Variants in BAIAP3 observed in about 807,000 individuals in gnomAD.
BAIAP3 encodes BAI1-associated protein 3.
In BAIAP3, 180 loss-of-function variants were observed where a neutral mutation model predicts 149.7. That is an observed-to-expected ratio of 1.20 (90% CI 1.07 to 1.36). The LOEUF is 1.36. BAIAP3 is among the 40% of genes most tolerant of loss of function. BAIAP3 has a pLI of 0.00. For missense variants in BAIAP3, 1,767 were observed against 1,563.4 expected, an observed-to-expected ratio of 1.13 and a Z score of -2.20; for synonymous variants, 845 against 670.7, an observed-to-expected ratio of 1.26 and a Z score of -4.02.
intron 5 of BAIAP3, 51 bp from the exon 6 acceptor site, chr16:1,340,871 G>T: frequency 6.5e-7 from 1 of 1,541,128 alleles, no homozygotes; most frequent in Non-Finnish European, 8.8e-7. Flanking sequence ...ACAGTGGCCA[G>T]CCTCGCTTCA....
At chr16:1,339,668 A>C (rs1302428818) in intron 5 of BAIAP3, 65 bp downstream of exon 5, 1 of 1,249,702 alleles carries the variant, frequency 8.0e-7, no homozygotes, top group Non-Finnish European at 1.1e-6. Flanking sequence ...TTCCCCACCC[A>C]CTGACACCAT....
At chr16:1,339,665 C>T (rs573543196) in intron 5 of BAIAP3, 62 bp downstream of exon 5, 2 of 1,263,672 alleles carry the variant, frequency 1.6e-6, no homozygotes, top group East Asian at 2.4e-5. Flanking sequence ...CCCTTCCCCA[C>T]CCACTGACAC....
At chr16:1,341,572 G>A (rs1392794621) in intron 8 of BAIAP3, 83 bp downstream of exon 8, 15 of 1,487,754 alleles carry the variant, frequency 1.0e-5, no homozygotes, top group Middle Eastern at 2.4e-4. Flanking sequence ...GTGGTGGCTC[G>A]CAGCAGCTCC....
rs2034028566 is a variant in BAIAP3 at position 1,342,966 on chromosome 16, C to G, written c.1215C>G (p.Leu405=). ...GELSTPAATI[L]CLHGAQSNLS... ...TCAGCACACCAGCCGCCACCATCCT[C>G]TGCCTGCACGGAGCCCAGAGCAACC... The change falls in exon 14 of 34, where the codon CTC becomes CTG. Residue 405 remains leucine, a synonymous_variant. Coordinates refer to ENST00000426824, the MANE Select transcript of BAIAP3 (RefSeq NM_001199097.2). 2 of 1,611,378 alleles carry G rather than the reference C, an allele frequency of 1.2e-6. No homozygotes were observed. The highest frequency in any genetic ancestry group is 1.3e-5 in the African/African-American group (1 of 74,806).
intron 1 of BAIAP3, chr16:1,334,906 C>A: frequency 1.4e-6 from 1 of 735,680 alleles, no homozygotes; most frequent in Non-Finnish European, 2.3e-6. Context: ...CTGCCACCTC[C>A]CGCCCCAGGC....
chr16:1,345,689 C>A, intron 22 of BAIAP3, 58 bp from the exon 23 acceptor site: 1 of 920,738 alleles, frequency 1.1e-6, no homozygotes, highest in Non-Finnish European at 1.6e-6. Context: ...CCCCGCCTCC[C>A]CCACCTCCCC....
At chr16:1,341,917 G>C in intron 9 of BAIAP3, 51 bp downstream of exon 9, 1 of 1,598,522 alleles carries the variant, frequency 6.3e-7, no homozygotes, top group Non-Finnish European at 8.5e-7. Flanking sequence ...CCTTTTGCGG[G>C]GGAGCAGGAC....
Position 1,349,254 on chromosome 16 carries a change from C to T in BAIAP3, c.*772C>T. 1.4e-6 allele frequency: 1 copy of T among 706,500 alleles called. No homozygotes were observed. The highest frequency in any genetic ancestry group is 2.5e-6 in the Non-Finnish European group (1 of 404,292). The allele number at this position is 706,500 out of a possible 1,614,324, so 43.8% of individuals were successfully genotyped here. The stretch of plus-strand genomic sequence containing the variant: ...TCACAAGGGGCTTCTTGGCCTGCAG[C>T]TTCATTTGCGAGAGCGCCGAGGCAG... On this transcript the variant is annotated 3_prime_UTR_variant, in exon 34 of 34. Coordinates refer to ENST00000426824, the MANE Select transcript of BAIAP3 (RefSeq NM_001199097.2).
In BAIAP3 at chr16:1,339,250, G is replaced by T. The variant is rs2033686952; in HGVS notation, c.300+6G>T. ...GAGCCCTGGCCCCAGAGGAGGTAAA[G>T]GTGGGGGTCGGAACCAGGGGCAGTC... On this transcript the variant is annotated splice_donor_region_variant and intron_variant, in intron 4 of 33. Coordinates refer to ENST00000426824, the MANE Select transcript of BAIAP3 (RefSeq NM_001199097.2). 1 of 1,559,130 alleles carries T rather than the reference G, an allele frequency of 6.4e-7. No homozygotes were observed. The highest frequency in any genetic ancestry group is 8.7e-7 in the Non-Finnish European group (1 of 1,153,870).
In BAIAP3 at chr16:1,345,992, T is replaced by G. The variant is rs761674595; in HGVS notation, c.2215T>G (p.Cys739Gly). 5.0e-6 allele frequency: 8 copies of G among 1,607,296 alleles called. No homozygotes were observed. The highest frequency in any genetic ancestry group is 6.8e-6 in the Non-Finnish European group (8 of 1,177,060). The part of the protein sequence containing the change: ...GLGTQLGQDV[C>G]EATLFYTELL... ...ACCGCCATCCCCTCCTCAGGACGTG[T>G]GTGAGGCCACCCTCTTCTATACGGA... Residue 739 changes from cysteine (C) to glycine (G), a missense_variant, in exon 24 of 34, where the codon TGT becomes GGT. Transcript: ENST00000426824.
rs62011275 is a variant in BAIAP3 at position 1,346,520 on chromosome 16, G to A, written c.2562+10G>A. ...CATCCAGAACGATGAGGTGAGTGCCGGGGCGAGGGGCCGTGGAGGACTGTG... is the reference window on the plus strand; with the variant it reads ...CATCCAGAACGATGAGGTGAGTGCCAGGGCGAGGGGCCGTGGAGGACTGTG... On this transcript the variant is annotated intron_variant, in intron 26 of 33. Coordinates refer to ENST00000426824, the MANE Select transcript of BAIAP3 (RefSeq NM_001199097.2). 55 of 1,605,960 alleles carry A rather than the reference G, an allele frequency of 3.4e-5. No homozygotes were observed. The highest frequency in any genetic ancestry group is 2.2e-4 in the South Asian group (20 of 90,002).
intron 1 of BAIAP3, chr16:1,336,412 C>A: frequency 6.1e-6 from 6 of 984,198 alleles, no homozygotes; most frequent in South Asian, 4.7e-5. Context: ...GAGTCCCCCC[C>A]GCAAGCATTG....
chr16:1,341,612 C>T (rs973950554), intron 8 of BAIAP3, 123 bp downstream of exon 8: 1 of 1,344,562 alleles, frequency 7.4e-7, no homozygotes, highest in African/African-American at 1.5e-5. Flanking sequence ...TGCCCACTTT[C>T]CAGAGGAGAA....
intron 28 of BAIAP3, 98 bp downstream of exon 28, chr16:1,347,053 T>A: frequency 3.3e-6 from 4 of 1,204,310 alleles, no homozygotes; most frequent in Non-Finnish European, 3.5e-6. Flanking sequence ...CTCCTGTGGC[T>A]GGAGAGCAGC....
At chr16:1,335,939 G>A (rs945176987) in intron 1 of BAIAP3, among the ~76,000 whole-genome samples, 21 of 152,234 alleles carry the variant, frequency 1.4e-4, no homozygotes, top group African/African-American at 5.1e-4. Context: ...GAGATGCAGG[G>A]AGCAAAGGGC....
rs368981628 is a variant in BAIAP3, at chr16:1,347,795, C to A, written c.2999C>A (p.Ala1000Glu). ...CTGGCCGTGGAGGTGCTGCACGCCG[C>A]GGACCTGCTCCCCCTGGACGCCAAC... ...QRLAVEVLHAADLLPLDANGL... is the reference protein window; with the variant it reads ...QRLAVEVLHAEDLLPLDANGL... The change falls in exon 31 of 34, where the codon GCG becomes GAG. Residue 1000 changes from alanine (A) to glutamate (E), a missense_variant. Ala to Glu is a moderately radical substitution (Grantham distance 107). Transcript: ENST00000426824. 2.5e-6 allele frequency: 4 copies of A among 1,606,690 alleles called. No individual in the cohort carries two copies. The highest frequency in any genetic ancestry group is 1.7e-4 in the Middle Eastern group (1 of 6,040).
chr16:1,340,314 CCCAG>C (rs2033826784), intron 5 of BAIAP3, among the ~76,000 whole-genome samples: 1 of 144,814 alleles, frequency 6.9e-6, no homozygotes, highest in Admixed American at 6.9e-5. Context: ...CGCACAGATG[CCCAG>C]GCACACAGGC....
intron 24 of BAIAP3, 23 bp downstream of exon 24, chr16:1,346,101 G>A (rs1447651702): frequency 3.1e-6 from 5 of 1,605,774 alleles, no homozygotes; most frequent in Non-Finnish European, 4.2e-6. Context: ...CTGGGGAGGG[G>A]AGCCGGCAGG....
rs1394210073 is a variant in BAIAP3, at chr16:1,346,180, T to A, written c.2312T>A (p.Val771Asp). The A allele has an allele frequency of 6.2e-7, 1 of 1,611,460 alleles. No homozygotes were observed. The highest frequency in any genetic ancestry group is 8.5e-7 in the Non-Finnish European group (1 of 1,179,808). Residue 771 changes from valine (V) to aspartate (D), a missense_variant, in exon 25 of 34, where the codon GTC becomes GAC. Transcript: ENST00000426824. ...GEAVSEALCV[V>D]LNNVELVRKA... ...CCACACCTCCTCCAGCTCTGCGTGG[T>A]CCTCAACAATGTGGAGCTCGTGCGC...
Sources: gnomAD v4.1 joint callset for allele counts (sites outside exome capture counted in the v4.1 genomes callset) on GRCh38, gnomAD v4.1.1 for gene constraint, MANE v1.5 for transcripts, NCBI Gene and HGNC (gene_info 2026-07-23, HGNC 2026-07-21) for gene names.